The following FAM107B variants were observed in gnomAD, a reference collection of about 807,000 sequenced individuals.
The protein encoded by FAM107B is protein FAM107B.
In FAM107B, 21 loss-of-function variants were observed where a neutral mutation model predicts 31.5. The ratio of observed to expected loss-of-function variants is 0.67; its 90% CI spans 0.47 to 0.96. The LOEUF (loss-of-function observed/expected upper bound fraction) is 0.96, where lower values mean the gene tolerates loss of function less well. Ranked by LOEUF, FAM107B falls within the 40% of genes least tolerant of loss-of-function variation. FAM107B has a pLI of 0.00. For synonymous variants in FAM107B, 157 were observed against 141.5 expected (o/e 1.11, Z -0.78); for missense variants, 452 against 377.1 (o/e 1.20, Z -1.64).
intron 2 of FAM107B, among the ~76,000 whole-genome samples, chr10:14,633,223 G>C (rs1275392598): frequency 6.6e-6 from 1 of 151,790 alleles, no homozygotes; most frequent in Non-Finnish European, 1.5e-5. Flanking sequence ...CATACGGCTG[G>C]TCAAAAGCAC....
chr10:14,636,005 G>C (rs11259242), intron 2 of FAM107B, among the ~76,000 whole-genome samples: 6,321 of 152,220 alleles, frequency 0.042, 188 homozygotes, highest in African/African-American at 0.085. Flanking sequence ...GAATTCAGTA[G>C]TCTTTACGCC....
At chr10:14,681,499 C>T (rs1854834348) in intron 1 of FAM107B, among the ~76,000 whole-genome samples, 1 of 152,158 alleles carries the variant, frequency 6.6e-6, no homozygotes, top group African/African-American at 2.4e-5. Context: ...GCCTCTCAGT[C>T]CCTACATCCA....
At chr10:14,762,726 A>C (rs150210133) in intron 1 of FAM107B, among the ~76,000 whole-genome samples, 40 of 149,434 alleles carry the variant, frequency 2.7e-4, no homozygotes, top group Non-Finnish European at 5.6e-4. Context: ...ACTGCACTAC[A>C]GCCTGGGAGA....
chr10:14,716,738 A>C (rs886367840), intron 1 of FAM107B, among the ~76,000 whole-genome samples: 5 of 152,170 alleles, frequency 3.3e-5, no homozygotes, highest in African/African-American at 1.2e-4. Flanking sequence ...CGGTTTCCAC[A>C]TCTGTAAAAT....
intron 1 of FAM107B, among the ~76,000 whole-genome samples, chr10:14,678,799 C>T (rs1208168668): frequency 1.3e-5 from 2 of 152,224 alleles, no homozygotes; most frequent in Non-Finnish European, 2.9e-5. Flanking sequence ...GTGTCCTCAG[C>T]CCTCATGTTC....
At chr10:14,586,891 T>A (rs1316599125) in intron 2 of FAM107B, among the ~76,000 whole-genome samples, 1 of 152,196 alleles carries the variant, frequency 6.6e-6, no homozygotes, top group Non-Finnish European at 1.5e-5. Context: ...CAAACTAGGC[T>A]ACATTTCAGG....
At chr10:14,615,616 C>T (rs1852831010) in intron 2 of FAM107B, among the ~76,000 whole-genome samples, 1 of 152,192 alleles carries the variant, frequency 6.6e-6, no homozygotes, top group African/African-American at 2.4e-5. Flanking sequence ...CTTAGGTCTG[C>T]CACAAGGCCT....
intron 2 of FAM107B, among the ~76,000 whole-genome samples, chr10:14,584,377 G>A (rs553854017): frequency 3.3e-5 from 5 of 152,224 alleles, no homozygotes; most frequent in East Asian, 1.9e-4. Flanking sequence ...AAGGACCTCC[G>A]AGGTCCAGCT....
chr10:14,742,100 G>T (rs1856453892), intron 1 of FAM107B, among the ~76,000 whole-genome samples: 1 of 151,770 alleles, frequency 6.6e-6, no homozygotes, highest in South Asian at 2.1e-4. Flanking sequence ...CAGGTGTTTG[G>T]GGATTTTTGT....
intron 2 of FAM107B, among the ~76,000 whole-genome samples, chr10:14,630,000 G>T (rs1400781810): frequency 6.6e-6 from 1 of 151,984 alleles, no homozygotes; most frequent in Admixed American, 6.6e-5. Flanking sequence ...CTTTTTTGAT[G>T]TTACACAACA....
intron 1 of FAM107B, among the ~76,000 whole-genome samples, chr10:14,692,810 G>A (rs1440622522): frequency 6.6e-6 from 1 of 152,160 alleles, no homozygotes; most frequent in Non-Finnish European, 1.5e-5. Flanking sequence ...CACGGGCCGG[G>A]GTTATTCAAT....
chr10:14,667,720 G>T (rs769050032), intron 1 of FAM107B, 29 bp from the exon 2 acceptor site: 3 of 1,612,730 alleles, frequency 1.9e-6, no homozygotes, highest in African/African-American at 2.7e-5. Flanking sequence ...AACCAGAAAA[G>T]CAGGGAGAAA....
rs539898542 is a variant in FAM107B, at chr10:14,606,817, C to T, written c.469+60817G>A. Among the ~76,000 whole-genome samples the T allele has an allele frequency of 1.0e-3, 154 of 152,308 alleles. 1 individual carries two copies. The highest frequency in any genetic ancestry group is 1.2e-3 in the Non-Finnish European group (82 of 68,034). On this transcript the variant is annotated intron_variant, in intron 2 of 4. Coordinates refer to ENST00000181796, the MANE Select transcript of FAM107B (RefSeq NM_031453.4). ...CCAACTGCAAGCCAGAAAGAGAGGCCTCACCAGAAACCAACCCTACTGCCA... is the reference window on the plus strand; with the variant it reads ...CCAACTGCAAGCCAGAAAGAGAGGCTTCACCAGAAACCAACCCTACTGCCA...
chr10:14,656,376 A>G (rs902319693), intron 2 of FAM107B, among the ~76,000 whole-genome samples: 3 of 152,246 alleles, frequency 2.0e-5, no homozygotes, highest in African/African-American at 7.2e-5. Context: ...GCCAACAATT[A>G]CCATCTTTGA....
chr10:14,754,281 G>A (rs1832886491), intron 1 of FAM107B, among the ~76,000 whole-genome samples: 1 of 152,154 alleles, frequency 6.6e-6, no homozygotes, highest in Non-Finnish European at 1.5e-5. Flanking sequence ...CAAATAATTT[G>A]TGAAATGCAT....
At chr10:14,533,123 T>C (rs1034901200) in intron 2 of FAM107B, among the ~76,000 whole-genome samples, 1 of 152,154 alleles carries the variant, frequency 6.6e-6, no homozygotes, top group Non-Finnish European at 1.5e-5. Flanking sequence ...GTAATGACGG[T>C]ATCTGACTCA....
chr10:14,586,010 C>T (rs1851815958), intron 2 of FAM107B, among the ~76,000 whole-genome samples: 1 of 152,160 alleles, frequency 6.6e-6, no homozygotes, highest in South Asian at 2.1e-4. Flanking sequence ...ATCCCTCTTG[C>T]TTGGGCGTGC....
intron 2 of FAM107B, chr10:14,571,972 G>T: frequency 1.0e-6 from 1 of 985,404 alleles, no homozygotes; most frequent in Non-Finnish European, 1.2e-6. Context: ...CAAATAAAAA[G>T]ATCGCAGTAA....
intron 1 of FAM107B, among the ~76,000 whole-genome samples, chr10:14,689,688 C>T (rs1309165864): frequency 6.6e-6 from 1 of 152,082 alleles, no homozygotes; most frequent in Non-Finnish European, 1.5e-5. Context: ...TGGCTGGGCA[C>T]AGTGCCTCAC....
Sources: allele counts gnomAD v4.1 joint callset (sites outside exome capture counted in the v4.1 genomes callset), GRCh38; gene constraint gnomAD v4.1.1; transcripts MANE v1.5; gene names NCBI Gene and HGNC (gene_info 2026-07-23, HGNC 2026-07-21).